The following PHF6 variants were observed in gnomAD, a reference collection of about 807,000 sequenced individuals.
PHF6 encodes PHD-like zinc finger protein.
Under a neutral mutation model 34.0 loss-of-function variants are expected in PHF6, and 7 were observed. The observed-to-expected ratio is 0.21, with a 90% CI of 0.12 to 0.39. PHF6 has a LOEUF of 0.39. Ranked by LOEUF, PHF6 falls within the 10% of genes least tolerant of loss-of-function variation. The pLI is 1.00. For missense variants in PHF6, 128 were observed against 262.8 expected (o/e 0.49, Z 3.55); for synonymous variants, 89 against 88.4 (o/e 1.01, Z -0.04).
At chrX:134,411,493 T>C (rs1024536937) in intron 5 of PHF6, among the ~76,000 whole-genome samples, 6 of 110,734 alleles carry the variant, frequency 5.4e-5, no homozygotes, top group African/African-American at 2.0e-4. Context: ...TATAGATGTT[T>C]AATAATGTTA....
intron 5 of PHF6, among the ~76,000 whole-genome samples, chrX:134,408,443 G>A (rs1266045246): frequency 9.0e-6 from 1 of 111,647 alleles, no homozygotes; most frequent in Admixed American, 9.6e-5. Context: ...TGTTTACCCA[G>A]TTTATGTTCC....
At chrX:134,386,003 AGGAGAGCTG>A (rs1242883425) in intron 3 of PHF6, among the ~76,000 whole-genome samples, 1 of 112,030 alleles carries the variant, frequency 8.9e-6, no homozygotes, top group African/African-American at 3.2e-5. Flanking sequence ...AGAATGGCAC[AGGAGAGCTG>A]GGAAAGAGGA....
chrX:134,425,149 G>T (rs1409505320), intron 9 of PHF6, 52 bp from the exon 10 acceptor site: 15 of 1,198,052 alleles, frequency 1.3e-5, no homozygotes, highest in Admixed American at 2.2e-5. Context: ...TGGCAGGAAT[G>T]TTCATCAGCA....
chrX:134,396,945 C>T (rs1228959734), intron 5 of PHF6, among the ~76,000 whole-genome samples: 1 of 109,225 alleles, frequency 9.2e-6, no homozygotes, highest in East Asian at 2.8e-4. Flanking sequence ...GAATTAATAT[C>T]TATGGTAATG....
At chrX:134,382,924 T>C (rs1701689029) in intron 3 of PHF6, among the ~76,000 whole-genome samples, 2 of 110,306 alleles carry the variant, frequency 1.8e-5, no homozygotes, top group African/African-American at 6.6e-5. Flanking sequence ...CTTACCCCTA[T>C]GCAAGATTTC....
rs754342903 is a variant in PHF6, at chrX:134,418,236, T to C, written c.968+934T>C. ...GTGCTGGTGGTCCAGGTGAGAATTA[T>C]TGGTAGCTTAGAATAGGATATGGTA... On this transcript the variant is annotated intron_variant, in intron 9 of 10. Transcript: ENST00000370803. 1.1e-4 allele frequency: 12 copies of C among 111,376 alleles called. No homozygotes were observed. In the East Asian group the frequency reaches 2.8e-3, roughly 26 times the overall value. 9.2% of individuals were successfully genotyped at this position (111,376 alleles called of 1,213,427 possible). A position where few individuals can be genotyped will look rare whatever the true frequency, so the allele number is the denominator to read the frequency against.
chrX:134,425,455 C>T (rs753082315), intron 10 of PHF6, 125 bp downstream of exon 10: 1 of 855,932 alleles, frequency 1.2e-6, no homozygotes, highest in Non-Finnish European at 1.7e-6. Context: ...GAGCATGTTA[C>T]TAAAATGCTG....
intron 3 of PHF6, among the ~76,000 whole-genome samples, chrX:134,384,844 G>T (rs1343214548): frequency 4.5e-5 from 5 of 110,282 alleles, no homozygotes; most frequent in African/African-American, 1.6e-4. Context: ...GTAGAGACGC[G>T]GTTTCACCGT....
At chrX:134,397,675 T>TA (rs1031332529) in intron 5 of PHF6, among the ~76,000 whole-genome samples, 30 of 110,848 alleles carry the variant, frequency 2.7e-4, no homozygotes, top group East Asian at 8.5e-4. Flanking sequence ...GCATTTCTGA[T>TA]AAAAAAAATA....
chrX:134,416,594 TA>T (rs1336273797), intron 8 of PHF6, among the ~76,000 whole-genome samples: 1 of 111,908 alleles, frequency 8.9e-6, no homozygotes, highest in Admixed American at 9.5e-5. Context: ...AGTCCTGCAA[TA>T]AAGTGATCTG....
intron 5 of PHF6, among the ~76,000 whole-genome samples, chrX:134,406,602 A>G (rs765580498): frequency 1.8e-5 from 2 of 111,355 alleles, no homozygotes; most frequent in East Asian, 2.8e-4. Context: ...TCCCCTCCCT[A>G]TAGAGGCCAT....
chrX:134,375,236 T>C (rs1238744986), intron 1 of PHF6, among the ~76,000 whole-genome samples: 2 of 112,185 alleles, frequency 1.8e-5, no homozygotes, highest in African/African-American at 6.5e-5. Context: ...ATTGGTTTGG[T>C]GCACTTTTTT....
intron 5 of PHF6, among the ~76,000 whole-genome samples, chrX:134,405,533 A>G (rs1602709204): frequency 8.9e-6 from 1 of 111,757 alleles, no homozygotes; most frequent in East Asian, 2.8e-4. Flanking sequence ...CCATGTGCAG[A>G]GTACTGTGTT....
chrX:134,376,303 T>G (rs1249994013), intron 1 of PHF6, among the ~76,000 whole-genome samples: 1 of 112,074 alleles, frequency 8.9e-6, no homozygotes. Flanking sequence ...CATAGTATTA[T>G]GAAACTGTTC....
At chrX:134,381,030 T>A (rs1200327725) in intron 3 of PHF6, among the ~76,000 whole-genome samples, 2 of 110,583 alleles carry the variant, frequency 1.8e-5, no homozygotes, top group East Asian at 2.8e-4. Flanking sequence ...ATTTTTTTTT[T>A]ATTTTTAGTA....
rs1211849625 is a variant in PHF6 at position 134,425,912 on chromosome X, G to A, written c.*252G>A. 4 of 165,787 alleles carry A rather than the reference G, an allele frequency of 2.4e-5. No individual in the cohort carries two copies. The highest frequency in any genetic ancestry group is 4.6e-5 in the Non-Finnish European group (4 of 86,042). 13.7% of individuals were successfully genotyped at this position (165,787 alleles called of 1,213,427 possible). A position where few individuals can be genotyped will look rare whatever the true frequency, so the allele number is the denominator to read the frequency against. On this transcript the variant is annotated 3_prime_UTR_variant, in exon 11 of 11. Transcript: ENST00000370803. Reference sequence around the variant, plus strand: ...GCAATTGAAACACTATTAACCCTGTGTATAGTGTCAACAGTTAAAGCAGAC... The same window carrying A: ...GCAATTGAAACACTATTAACCCTGTATATAGTGTCAACAGTTAAAGCAGAC...
At chrX:134,376,281 AT>A (rs1051358940) in intron 1 of PHF6, among the ~76,000 whole-genome samples, 3 of 111,556 alleles carry the variant, frequency 2.7e-5, no homozygotes, top group Non-Finnish European at 5.7e-5. Flanking sequence ...GTGTTAGACA[AT>A]TTTTTTTCAA....
Position 134,415,207 on chromosome X carries a change from A to C in PHF6, c.834+87A>C, listed in dbSNP as rs920718081. On this transcript the variant is annotated intron_variant, in intron 8 of 10. Transcript: ENST00000370803. ...TACATCCCAAATTTATCCAGTCATC[A>C]GAAAATTTAAAGTAGTTCGTATGTT... The C allele has an allele frequency of 1.7e-5, 21 of 1,203,254 alleles. No homozygotes were observed. The highest frequency in any genetic ancestry group is 2.4e-5 in the Non-Finnish European group (21 of 889,162).
At chrX:134,406,962 A>T in intron 5 of PHF6, among the ~76,000 whole-genome samples, 1 of 112,174 alleles carries the variant, frequency 8.9e-6, no homozygotes, top group Non-Finnish European at 1.9e-5. Flanking sequence ...AATTATGTGC[A>T]TACATAAGCA....
Sources: allele counts gnomAD v4.1 joint callset (sites outside exome capture counted in the v4.1 genomes callset), GRCh38; gene constraint gnomAD v4.1.1; transcripts MANE v1.5; gene names NCBI Gene and HGNC (gene_info 2026-07-23, HGNC 2026-07-21).